Variants in DDI2 observed in about 807,000 individuals in gnomAD.
DDI2 encodes protein DDI1 homolog 2.
Under a neutral mutation model 48.1 loss-of-function variants are expected in DDI2, and 5 were observed. The ratio of observed to expected loss-of-function variants is 0.10; its 90% CI spans 0.05 to 0.22. The LOEUF (loss-of-function observed/expected upper bound fraction) is 0.22. Ranked by LOEUF, DDI2 falls within the 10% of genes least tolerant of loss-of-function variation. The probability of loss-of-function intolerance (pLI) is 1.00; values close to 1 mark genes in which losing one functional copy is unlikely to be tolerated. For synonymous variants in DDI2, 205 were observed against 183.6 expected (o/e 1.12, Z -0.94); for missense variants, 285 against 506.2 (o/e 0.56, Z 4.19).
chr1:15,639,521 A>G (rs1639975696), intron 5 of DDI2, among the ~76,000 whole-genome samples: 1 of 152,182 alleles, frequency 6.6e-6, no homozygotes, highest in Non-Finnish European at 1.5e-5. Flanking sequence ...GCTAGAGTGC[A>G]GTGGTGCAGT....
rs1047931226 is a variant in DDI2 at position 15,666,854 on chromosome 1, G to A, written c.*7064G>A. On this transcript the variant is annotated 3_prime_UTR_variant, in exon 10 of 10. Coordinates refer to ENST00000480945, the MANE Select transcript of DDI2 (RefSeq NM_032341.5). ...AGTTACCTGGTTCCACTTCAGAGCA[G>A]ACTGGGAAAATCAGGCTTACAATGG... 6.6e-6 allele frequency: 1 copy of A among 152,184 alleles called. No individual in the cohort carries two copies. The highest frequency in any genetic ancestry group is 2.1e-4 in the South Asian group (1 of 4,832). The allele number at this position is 152,184 out of a possible 1,614,324, so 9.4% of individuals were successfully genotyped here.
intron 1 of DDI2, 136 bp downstream of exon 1, chr1:15,617,944 A>T (rs1200947597): frequency 1.5e-6 from 2 of 1,305,766 alleles, no homozygotes; most frequent in Middle Eastern, 1.9e-4. Context: ...TCACCCCCGC[A>T]TCCGGAAAGG....
chr1:15,658,754 T>A (rs998815884), intron 9 of DDI2, among the ~76,000 whole-genome samples: 18 of 145,578 alleles, frequency 1.2e-4, no homozygotes, highest in African/African-American at 4.3e-4. Context: ...AACACAGTCT[T>A]AAAAAAAAAA....
At position 15,661,596 on chromosome 1, in the gene DDI2, T is replaced by TA. The variant is rs1322973978; in HGVS notation, c.*1807dup. The TA allele has an allele frequency of 1.2e-6, 2 of 1,614,052 alleles. No homozygotes were observed. The highest frequency in any genetic ancestry group is 1.7e-6 in the Non-Finnish European group (2 of 1,180,048). ...CACCATTGATTTTTCCTGCCACAGA[T>TA]ATTGACCGCATTCTCCGTGCTGGCT... On this transcript the variant is annotated 3_prime_UTR_variant, in exon 10 of 10. Coordinates refer to ENST00000480945, the MANE Select transcript of DDI2 (RefSeq NM_032341.5).
chr1:15,637,145 T>C (rs968226182), intron 4 of DDI2, among the ~76,000 whole-genome samples: 7 of 152,224 alleles, frequency 4.6e-5, no homozygotes, highest in South Asian at 2.1e-4. Flanking sequence ...ACATGAGATG[T>C]TGGAGTAAGC....
chr1:15,651,466 G>A (rs1223969302), intron 7 of DDI2, among the ~76,000 whole-genome samples: 1 of 152,078 alleles, frequency 6.6e-6, no homozygotes, highest in Non-Finnish European at 1.5e-5. Flanking sequence ...TTATGGGCAT[G>A]TGCCACCACG....
rs1364819413 is a variant in DDI2 at position 15,667,372 on chromosome 1, A to T, written c.*7582A>T. The stretch of plus-strand genomic sequence containing the variant: ...AAATAAATGGAAGATGACCCTAAAA[A>T]TGCACCAGTGACAGTCAGTCAATCC... On this transcript the variant is annotated 3_prime_UTR_variant, in exon 10 of 10. Coordinates refer to ENST00000480945, the MANE Select transcript of DDI2 (RefSeq NM_032341.5). The T allele has an allele frequency of 6.6e-6, 1 of 152,258 alleles. No homozygotes were observed. The highest frequency in any genetic ancestry group is 2.4e-5 in the African/African-American group (1 of 41,452). 9.4% of individuals were successfully genotyped at this position (152,258 alleles called of 1,614,324 possible). A position where few individuals can be genotyped will look rare whatever the true frequency, so the allele number is the denominator to read the frequency against.
At chr1:15,649,525 G>A (rs1640145466) in intron 6 of DDI2, among the ~76,000 whole-genome samples, 195 bp from the exon 7 acceptor site, 1 of 152,046 alleles carries the variant, frequency 6.6e-6, no homozygotes, top group Admixed American at 6.6e-5. Flanking sequence ...ACCAAAATTA[G>A]CCAGGCGTGG....
chr1:15,651,997 C>CTCATG, intron 8 of DDI2, 102 bp downstream of exon 8: 1 of 1,172,612 alleles, frequency 8.5e-7, no homozygotes, highest in South Asian at 2.0e-5. Flanking sequence ...TTTAATTAGT[C>CTCATG]TCATGGTCCA....
chr1:15,626,009 T>G (rs752517619), intron 1 of DDI2, among the ~76,000 whole-genome samples: 1 of 152,238 alleles, frequency 6.6e-6, no homozygotes, highest in East Asian at 1.9e-4. Context: ...TGTTCAAGAT[T>G]ATTTCAAAGT....
intron 7 of DDI2, among the ~76,000 whole-genome samples, chr1:15,650,512 A>G (rs1280144948): frequency 1.3e-5 from 2 of 152,106 alleles, no homozygotes; most frequent in Non-Finnish European, 2.9e-5. Context: ...TGGGAGGCCA[A>G]GGAGGGAGGA....
intron 8 of DDI2, among the ~76,000 whole-genome samples, chr1:15,653,810 G>A (rs560055953): frequency 1.3e-5 from 2 of 152,186 alleles, no homozygotes; most frequent in Non-Finnish European, 2.9e-5. Context: ...ATAATTGAAC[G>A]TTACTGAAAA....
At chr1:15,651,012 G>A (rs1410768647) in intron 7 of DDI2, among the ~76,000 whole-genome samples, 3 of 152,024 alleles carry the variant, frequency 2.0e-5, no homozygotes, top group East Asian at 1.9e-4. Context: ...CCATCACCAC[G>A]CCCGGCTAAT....
At chr1:15,652,240 C>T (rs1357984337) in intron 8 of DDI2, among the ~76,000 whole-genome samples, 4 of 151,138 alleles carry the variant, frequency 2.6e-5, no homozygotes, top group African/African-American at 7.3e-5. Flanking sequence ...TTATTTTTAG[C>T]AGAGATAGGG....
intron 5 of DDI2, among the ~76,000 whole-genome samples, 162 bp downstream of exon 5, chr1:15,638,596 G>A (rs534955199): frequency 2.0e-5 from 3 of 147,514 alleles, no homozygotes; most frequent in African/African-American, 5.0e-5. Context: ...GTGCAGTGGC[G>A]TGATCTTGGC....
rs749344402 is a variant in DDI2, at chr1:15,617,820, A to G, written c.138+12A>G. 1.6e-5 allele frequency: 25 copies of G among 1,584,652 alleles called. No individual in the cohort carries two copies. The African/African-American group carries it at 2.9e-4, about 19-fold the overall frequency. On this transcript the variant is annotated intron_variant, in intron 1 of 9. Coordinates refer to ENST00000480945, the MANE Select transcript of DDI2 (RefSeq NM_032341.5). The stretch of plus-strand genomic sequence containing the variant: ...CAGCCGAGAGCCAGGTACGCCGGGC[A>G]GCGAGCCGGGCCTGCCCCGGAGCTA...
intron 7 of DDI2, 71 bp downstream of exon 7, chr1:15,649,894 T>A: frequency 6.9e-7 from 1 of 1,451,518 alleles, no homozygotes; most frequent in South Asian, 1.3e-5. Context: ...ATTATTTTTA[T>A]TGGTTACATA....
chr1:15,632,933 A>T (rs938161615), intron 3 of DDI2, among the ~76,000 whole-genome samples: 5,544 of 62,924 alleles, frequency 0.088, 267 homozygotes, highest in African/African-American at 0.36. Context: ...TTTTTTTTTA[A>T]AAAAAAAAAA....
rs1270195766 is a variant in DDI2 at position 15,663,738 on chromosome 1, A to G, written c.*3948A>G. 3 of 141,558 alleles carry G rather than the reference A, an allele frequency of 2.1e-5. No individual in the cohort carries two copies. Among genetic ancestry groups the G allele is most frequent in the Non-Finnish European group, 4.7e-5 (3 of 64,446 alleles). 8.8% of individuals were successfully genotyped at this position (141,558 alleles called of 1,614,324 possible). A position where few individuals can be genotyped will look rare whatever the true frequency, so the allele number is the denominator to read the frequency against. ...TGCAATGGGACCCTGTATTTGCTTT[A>G]TGGGTGGTGGTTTGGGAATGTATTC... On this transcript the variant is annotated 3_prime_UTR_variant, in exon 10 of 10. Coordinates refer to ENST00000480945, the MANE Select transcript of DDI2 (RefSeq NM_032341.5).
Sources: gnomAD v4.1 joint callset for allele counts (sites outside exome capture counted in the v4.1 genomes callset) on GRCh38, gnomAD v4.1.1 for gene constraint, MANE v1.5 for transcripts, NCBI Gene and HGNC (gene_info 2026-07-23, HGNC 2026-07-21) for gene names.